Variants in STAT2 observed in about 807,000 individuals in gnomAD.
STAT2 encodes the protein interferon alpha induced transcriptional activator.
In STAT2, 51 loss-of-function variants were observed where a neutral mutation model predicts 122.3. The observed-to-expected ratio is 0.42, with a 90% CI of 0.33 to 0.53. The LOEUF (loss-of-function observed/expected upper bound fraction) is 0.53. Ranked by LOEUF, STAT2 falls within the 20% of genes least tolerant of loss-of-function variation. The pLI, the probability that STAT2 is intolerant of heterozygous loss-of-function variation, is 0.10. For synonymous variants in STAT2, 351 were observed against 394.9 expected (o/e 0.89, Z 1.32); for missense variants, 736 against 1,010.3 (o/e 0.73, Z 3.68).
chr12:56,357,129 CT>C lies in STAT2; in HGVS notation c.-7-552del, dbSNP rs1211805888. Reference sequence around the variant, plus strand: ...TTGGCTCATTGCAACCACCATCCCCCTGGTTCAAGTGATTCTTCTGCCTCAG... The same window carrying C: ...TTGGCTCATTGCAACCACCATCCCCCGGTTCAAGTGATTCTTCTGCCTCAG... On this transcript the variant is annotated intron_variant, in intron 1 of 23. Transcript: ENST00000314128. Among the ~76,000 whole-genome samples the C allele has an allele frequency of 2.0e-5, 3 of 149,178 alleles. No individual in the cohort carries two copies. The East Asian group carries it at 5.9e-4, about 30-fold the overall frequency.
chr12:56,358,261 T>C (rs1565662237), intron 1 of STAT2, among the ~76,000 whole-genome samples: 1 of 151,372 alleles, frequency 6.6e-6, no homozygotes, highest in Non-Finnish European at 1.5e-5. Context: ...TTTTTCTTTT[T>C]TTGAGATGGA....
chr12:56,353,830 C>A (rs1172386859), intron 8 of STAT2, among the ~76,000 whole-genome samples: 3 of 149,400 alleles, frequency 2.0e-5, no homozygotes, highest in Non-Finnish European at 4.5e-5. Flanking sequence ...ATCGTCTCTA[C>A]TAAAAATACA....
At position 56,344,057 on chromosome 12, in the gene STAT2, C is replaced by T. The variant is rs374697532; in HGVS notation, c.2181G>A (p.Leu727=). The T allele has an allele frequency of 5.6e-6, 9 of 1,609,770 alleles. No homozygotes were observed. The highest frequency in any genetic ancestry group is 2.7e-5 in the African/African-American group (2 of 74,858). The stretch of plus-strand genomic sequence containing the variant: ...CCAGGCTGAGCTCTGGCTCTGGCAC[C>T]AGCCCTAGTTCCAGCTCTAATGACT... The part of the protein sequence containing the change: ...ELESLELELG[L]VPEPELSLDL... Residue 727 remains leucine, a synonymous_variant, in exon 23 of 24, where the codon CTG becomes CTA. Coordinates refer to ENST00000314128, the MANE Select transcript of STAT2 (RefSeq NM_005419.4).
intron 1 of STAT2, 55 bp downstream of exon 1, chr12:56,360,003 G>A (rs2136105784): frequency 2.0e-6 from 2 of 975,684 alleles, no homozygotes; most frequent in East Asian, 2.3e-4. Flanking sequence ...TCCCTCGGAG[G>A]AACTCTCACT....
At chr12:56,344,276 G>A in intron 22 of STAT2, 141 bp from the exon 23 acceptor site, 1 of 1,257,936 alleles carries the variant, frequency 7.9e-7, no homozygotes, top group Middle Eastern at 2.8e-4. Flanking sequence ...GCCTCCTGGA[G>A]TTTGAATCCT....
At chr12:56,357,208 T>C (rs1879651740) in intron 1 of STAT2, among the ~76,000 whole-genome samples, 1 of 151,720 alleles carries the variant, frequency 6.6e-6, no homozygotes, top group Non-Finnish European at 1.5e-5. Flanking sequence ...AGCTAATTTT[T>C]GTATATTTTT....
chr12:56,360,065 G>A lies in STAT2; in HGVS notation c.-15C>T, dbSNP rs113352018. The A allele has an allele frequency of 7.1e-6, 7 of 985,156 alleles. No individual in the cohort carries two copies. The highest frequency in any genetic ancestry group is 1.1e-4 in the East Asian group (1 of 8,788). 61.0% of individuals were successfully genotyped at this position (985,156 alleles called of 1,614,324 possible). A position where few individuals can be genotyped will look rare whatever the true frequency, so the allele number is the denominator to read the frequency against. ...CCCTCTCAGGGCCCGTACCTGATTA[G>A]GGTTGCAGTCCCCGCGCCCTCCAAT... On this transcript the variant is annotated 5_prime_UTR_variant, in exon 1 of 24. Coordinates refer to ENST00000314128, the MANE Select transcript of STAT2 (RefSeq NM_005419.4).
chr12:56,345,561 T>C (rs1877319369), intron 22 of STAT2, among the ~76,000 whole-genome samples: 3 of 107,914 alleles, frequency 2.8e-5, no homozygotes, highest in Non-Finnish European at 5.2e-5. Flanking sequence ...CTCACGCCTG[T>C]AATCCCTGCA....
chr12:56,354,441 C>A, intron 8 of STAT2, 25 bp downstream of exon 8: 2 of 1,613,842 alleles, frequency 1.2e-6, no homozygotes, highest in Non-Finnish European at 1.7e-6. Flanking sequence ...ATGGCGAGGA[C>A]GAGGGTTGGG....
chr12:56,346,149 T>G lies in STAT2; in HGVS notation c.2099A>C (p.Asn700Thr), dbSNP rs368002633. The stretch of plus-strand genomic sequence containing the variant: ...GAATGAAGAGTTCATATCTCACCTA[T>G]TAGAGACCACAATGAGCCTGTGTTT... ...YLKHRLIVVS[N>T]RQVDELQQPL... Residue 700 changes from asparagine (N) to threonine (T), a missense_variant, in exon 22 of 24, where the codon AAT becomes ACT. Transcript: ENST00000314128. 1.2e-6 allele frequency: 2 copies of G among 1,614,150 alleles called. No individual in the cohort carries two copies. Among genetic ancestry groups the G allele is most frequent in the Non-Finnish European group, 8.5e-7 (1 of 1,180,024 alleles).
chr12:56,350,045 T>C (rs1878207788), intron 13 of STAT2, 52 bp downstream of exon 13: 1 of 1,517,640 alleles, frequency 6.6e-7, no homozygotes, highest in East Asian at 2.3e-5. Flanking sequence ...TGAGACTCCG[T>C]CTCAAAAAAA....
chr12:56,354,042 A>AATAT (rs1230638798), intron 8 of STAT2, among the ~76,000 whole-genome samples: 3 of 32,252 alleles, frequency 9.3e-5, no homozygotes, highest in Admixed American at 7.2e-4. Flanking sequence ...TATATATATA[A>AATAT]AAAATACTGT....
chr12:56,348,873 G>C, intron 17 of STAT2, 51 bp downstream of exon 17: 12 of 1,613,962 alleles, frequency 7.4e-6, no homozygotes, highest in Non-Finnish European at 8.5e-6. Context: ...AGGACAGAGG[G>C]ACAGAAAAGA....
chr12:56,348,005 T>C (rs1177131637), intron 19 of STAT2, among the ~76,000 whole-genome samples: 3 of 151,574 alleles, frequency 2.0e-5, no homozygotes, highest in South Asian at 4.2e-4. Flanking sequence ...AAGGATGAGA[T>C]GAGAGAATTA....
intron 19 of STAT2, 139 bp downstream of exon 19, chr12:56,348,390 T>G: frequency 2.4e-6 from 2 of 848,648 alleles, no homozygotes; most frequent in Non-Finnish European, 1.9e-6. Context: ...CCCGGCCTTA[T>G]TATTGTTAAC....
intron 7 of STAT2, 80 bp from the exon 8 acceptor site, chr12:56,354,694 A>G (rs1485528901): frequency 6.2e-7 from 1 of 1,612,134 alleles, no homozygotes; most frequent in East Asian, 2.2e-5. Flanking sequence ...GAAACAAAGA[A>G]GCCAGCGCTA....
rs760480590 is a variant in STAT2, at chr12:56,343,409, A to G, written c.2536T>C (p.Leu846=). ...GGTTCCTAGAAGTCAGAAGGCATCA[A>G]GGGTCCATCAGTGTAGAAGTGGCTG... ...RPSHFYTDGP[L]MPSDF Residue 846 remains leucine (L), a synonymous_variant, in exon 24 of 24, where the codon TTG becomes CTG. Transcript: ENST00000314128. 24 of 1,613,866 alleles carry G rather than the reference A, an allele frequency of 1.5e-5. No individual in the cohort carries two copies. The African/African-American group carries it at 1.7e-4, about 12-fold the overall frequency.
chr12:56,354,402 A>G, intron 8 of STAT2, 64 bp downstream of exon 8: 2 of 1,608,370 alleles, frequency 1.2e-6, no homozygotes, highest in Non-Finnish European at 8.5e-7. Context: ...TGCTATATGC[A>G]GGGCACTGCA....
At chr12:56,357,555 C>T (rs1565661461) in intron 1 of STAT2, among the ~76,000 whole-genome samples, 1 of 151,924 alleles carries the variant, frequency 6.6e-6, no homozygotes, top group Non-Finnish European at 1.5e-5. Context: ...CCGTGTTAGC[C>T]AGGATGGTCT....
Sources: gnomAD v4.1 joint callset for allele counts (sites outside exome capture counted in the v4.1 genomes callset) on GRCh38, gnomAD v4.1.1 for gene constraint, MANE v1.5 for transcripts, NCBI Gene and HGNC (gene_info 2026-07-23, HGNC 2026-07-21) for gene names.